ATXN10: variants seen among roughly 807,000 people sequenced by gnomAD.
ATXN10 encodes ataxin-10.
In ATXN10, 28 loss-of-function variants were observed where a neutral mutation model predicts 52.9. The observed-to-expected ratio is 0.53, with a 90% CI of 0.39 to 0.73. ATXN10 has a LOEUF of 0.73. Among genes scored for constraint, ATXN10 ranks in the 30% least tolerant of loss-of-function variants. ATXN10 has a pLI of 0.00. For synonymous variants in ATXN10, 226 were observed against 221.5 expected, an observed-to-expected ratio of 1.02 and a Z score of -0.18; for missense variants, 565 against 577.0, an observed-to-expected ratio of 0.98 and a Z score of 0.21.
At position 45,833,544 on chromosome 22, in the gene ATXN10, A is replaced by T. The variant is rs1929062205; in HGVS notation, c.1238-9447A>T. Among the ~76,000 whole-genome samples, 1 of 152,196 alleles carries T rather than the reference A, an allele frequency of 6.6e-6. No individual in the cohort carries two copies. The highest frequency in any genetic ancestry group is 2.4e-5 in the African/African-American group (1 of 41,446). On this transcript the variant is annotated intron_variant, in intron 10 of 11. Coordinates refer to ENST00000252934, the MANE Select transcript of ATXN10 (RefSeq NM_013236.4). The surrounding 1 kb of genome is among the most constrained non-coding windows in gnomAD (Gnocchi z 4.3). ...GAAATATCAACAGTGCTAGACGAAC[A>T]CTAATGTCTTATAACTTAGGTGGGT... is the stretch of plus-strand genomic sequence containing the variant.
Position 45,774,460 on chromosome 22 carries a change from G to C in ATXN10, c.1174-32499G>C, listed in dbSNP as rs1414042323. 1.3e-5 allele frequency among the ~76,000 whole-genome samples: 2 copies of C among 152,200 alleles called. No individual in the cohort carries two copies. The highest frequency in any genetic ancestry group is 4.8e-5 in the African/African-American group (2 of 41,446). ...AAATGAAGTCTGCCTTACAGGCAGAGGGGAACTACTACTTTGATGTAAGAG... is the reference window on the plus strand; with the variant it reads ...AAATGAAGTCTGCCTTACAGGCAGACGGGAACTACTACTTTGATGTAAGAG... On this transcript the variant is annotated intron_variant, in intron 9 of 11. Transcript: ENST00000252934. The surrounding 1 kb of genome is among the most constrained non-coding windows in gnomAD (Gnocchi z 6.2).
intron 3 of ATXN10, among the ~76,000 whole-genome samples, chr22:45,698,920 T>C (rs1923725463): frequency 6.6e-6 from 1 of 152,224 alleles, no homozygotes; most frequent in Non-Finnish European, 1.5e-5. Flanking sequence ...ACTCTTTCTC[T>C]GTGAGAACTT....
rs1208419684 is a variant in ATXN10, at chr22:45,683,150, C to T, written c.117-6562C>T. Among the ~76,000 whole-genome samples the T allele has an allele frequency of 6.6e-6, 1 of 152,130 alleles. No individual in the cohort carries two copies. Among genetic ancestry groups the T allele is most frequent in the Non-Finnish European group, 1.5e-5 (1 of 68,026 alleles). ...CCTGGCCAACATGGTGAAACCCCATCTCTACTAAAAATACAAAAATTTGTT... is the reference window on the plus strand; with the variant it reads ...CCTGGCCAACATGGTGAAACCCCATTTCTACTAAAAATACAAAAATTTGTT... On this transcript the variant is annotated intron_variant, in intron 1 of 11. Coordinates refer to ENST00000252934, the MANE Select transcript of ATXN10 (RefSeq NM_013236.4). This position sits in a 1 kb window ranked among gnomAD's most constrained non-coding sequence, Gnocchi z 4.8.
At chr22:45,741,350 C>T (rs550551440) in intron 9 of ATXN10, among the ~76,000 whole-genome samples, 25 of 152,236 alleles carry the variant, frequency 1.6e-4, no homozygotes, top group African/African-American at 4.8e-4. Context: ...TGATCCTATA[C>T]CATTTGTAGC....
rs753814404 is a variant in ATXN10 at position 45,843,654 on chromosome 22, TTTC to T, written c.1426-6_1426-4del. On this transcript the variant is annotated splice_polypyrimidine_tract_variant and intron_variant, in intron 11 of 11. Transcript: ENST00000252934. This position sits in a 1 kb window ranked among gnomAD's most constrained non-coding sequence, Gnocchi z 4.5. ...TTTGCTACATCTGCAATTTTGTTTC[TTTC>T]TTCTTCTTTAGTGAATGAACTACAT... 28 of 1,611,870 alleles carry T rather than the reference TTTC, an allele frequency of 1.7e-5. No individual in the cohort carries two copies. The highest frequency in any genetic ancestry group is 8.0e-5 in the African/African-American group (6 of 75,042).
intron 7 of ATXN10, among the ~76,000 whole-genome samples, chr22:45,735,613 G>A (rs143920157): frequency 6.6e-6 from 1 of 152,176 alleles, no homozygotes; most frequent in East Asian, 1.9e-4. Flanking sequence ...TGCAGTCCAG[G>A]CAGATATAAC....
chr22:45,807,881 T>C (rs1339519786), intron 10 of ATXN10, among the ~76,000 whole-genome samples: 1 of 152,078 alleles, frequency 6.6e-6, no homozygotes, highest in Non-Finnish European at 1.5e-5. Context: ...TAGCCTAGCA[T>C]TGAGGAGACT....
In ATXN10 at chr22:45,771,267, G is replaced by A. The variant is rs1440548097; in HGVS notation, c.1173+30729G>A. Among the ~76,000 whole-genome samples the A allele has an allele frequency of 3.9e-5, 6 of 152,084 alleles. No individual in the cohort carries two copies. In the South Asian group the frequency reaches 6.2e-4, roughly 16 times the overall value. On this transcript the variant is annotated intron_variant, in intron 9 of 11. Transcript: ENST00000252934. ...ATGGAATACAACTCTGCACATCCTC[G>A]TCAGCTCTTGGTATTGTCAGTATTT... is the stretch of plus-strand genomic sequence containing the variant.
intron 9 of ATXN10, among the ~76,000 whole-genome samples, chr22:45,742,301 T>C (rs1269815885): frequency 6.6e-6 from 1 of 152,078 alleles, no homozygotes; most frequent in Non-Finnish European, 1.5e-5. Flanking sequence ...TTCAGGAAAA[T>C]GTGACCTGTT....
At chr22:45,694,955 A>AC (rs1220913562) in intron 3 of ATXN10, among the ~76,000 whole-genome samples, 4 of 150,606 alleles carry the variant, frequency 2.7e-5, no homozygotes, top group African/African-American at 9.8e-5. Context: ...AAAAAAAAAA[A>AC]AAAAAAAAAA....
At position 45,763,935 on chromosome 22, in the gene ATXN10, A is replaced by G. The variant is rs2146832806; in HGVS notation, c.1173+23397A>G. Among the ~76,000 whole-genome samples the G allele has an allele frequency of 7.0e-6, 1 of 142,116 alleles. No homozygotes were observed. Among genetic ancestry groups the G allele is most frequent in the Admixed American group, 7.0e-5 (1 of 14,246 alleles). 93.2% of individuals were successfully genotyped at this position (142,116 alleles called of 152,430 possible). On this transcript the variant is annotated intron_variant, in intron 9 of 11. Transcript: ENST00000252934. This position sits in a 1 kb window ranked among gnomAD's most constrained non-coding sequence, Gnocchi z 6.9. ...CCAGTGTCTTCCAGGCCCCCTTCTT[A>G]TCTAAGGCTGCTACGTGTTATTGGA...
rs1459483479 is a variant in ATXN10 at position 45,732,753 on chromosome 22, T to C, written c.894+3163T>C. Among the ~76,000 whole-genome samples, 2 of 152,166 alleles carry C rather than the reference T, an allele frequency of 1.3e-5. No homozygotes were observed. The highest frequency in any genetic ancestry group is 2.9e-5 in the Non-Finnish European group (2 of 68,036). On this transcript the variant is annotated intron_variant, in intron 7 of 11. Transcript: ENST00000252934. The surrounding 1 kb of genome is among the most constrained non-coding windows in gnomAD (Gnocchi z 4.5). ...AAATCATCCATGGTGGAAGTAGTTG[T>C]GCCATGGAAACCAGCAAATGCTACA...
intron 7 of ATXN10, among the ~76,000 whole-genome samples, chr22:45,737,597 G>A (rs1357281338): frequency 2.0e-5 from 3 of 150,036 alleles, no homozygotes; most frequent in Non-Finnish European, 4.4e-5. Flanking sequence ...CTATATTAAT[G>A]TATTACCTTT....
intron 10 of ATXN10, among the ~76,000 whole-genome samples, chr22:45,810,889 C>T (rs922624133): frequency 2.6e-5 from 4 of 152,174 alleles, no homozygotes; most frequent in African/African-American, 9.7e-5. Context: ...TTGATATCCT[C>T]TGTCTTATGA....
chr22:45,748,337 A>G, intron 9 of ATXN10, among the ~76,000 whole-genome samples: 1 of 152,214 alleles, frequency 6.6e-6, no homozygotes, highest in East Asian at 1.9e-4. Flanking sequence ...AAATTTGTAG[A>G]CAACATTTCA....
intron 9 of ATXN10, among the ~76,000 whole-genome samples, chr22:45,741,827 CG>C (rs1203514274): frequency 6.6e-6 from 1 of 152,138 alleles, no homozygotes; most frequent in Non-Finnish European, 1.5e-5. Context: ...TTGACACAAA[CG>C]GGCAGATTCT....
chr22:45,818,230 TAC>T lies in ATXN10; in HGVS notation c.1237+11210_1237+11211del, dbSNP rs1367621601. Among the ~76,000 whole-genome samples, 1 of 152,222 alleles carries T rather than the reference TAC, an allele frequency of 6.6e-6. No individual in the cohort carries two copies. Among genetic ancestry groups the T allele is most frequent in the Non-Finnish European group, 1.5e-5 (1 of 68,032 alleles). Reference sequence around the variant, plus strand: ...AGCTGTGTCAGCACACTGGGAGTTTTACAGTGTACGGATTGGCAGACAGCCTG... The same window carrying T: ...AGCTGTGTCAGCACACTGGGAGTTTTAGTGTACGGATTGGCAGACAGCCTG... On this transcript the variant is annotated intron_variant, in intron 10 of 11. Transcript: ENST00000252934. The surrounding 1 kb of genome is among the most constrained non-coding windows in gnomAD (Gnocchi z 4.6).
At chr22:45,745,655 T>C (rs533453201) in intron 9 of ATXN10, among the ~76,000 whole-genome samples, 2 of 152,366 alleles carry the variant, frequency 1.3e-5, no homozygotes, top group East Asian at 3.9e-4. Context: ...AAAATAATCT[T>C]TGTAATACAT....
Position 45,726,454 on chromosome 22 carries a change from ATT to A in ATXN10, c.729-2970_729-2969del, listed in dbSNP as rs571785413. Reference sequence around the variant, plus strand: ...TTTTCTTGTTTGTTTGCACAAAGGTATTCATAGTGTCCTTAAATGGTCTTTTG... The same window carrying A: ...TTTTCTTGTTTGTTTGCACAAAGGTACATAGTGTCCTTAAATGGTCTTTTG... On this transcript the variant is annotated intron_variant, in intron 6 of 11. Coordinates refer to ENST00000252934, the MANE Select transcript of ATXN10 (RefSeq NM_013236.4). Among the ~76,000 whole-genome samples the A allele has an allele frequency of 2.1e-3, 314 of 152,220 alleles. 2 individuals carry two copies. The highest frequency in any genetic ancestry group is 7.2e-3 in the African/African-American group (298 of 41,544).
Sources: gnomAD v4.1 joint callset for allele counts (sites outside exome capture counted in the v4.1 genomes callset) on GRCh38, gnomAD v4.1.1 for gene constraint, Gnocchi (gnomAD v3.1) non-coding constraint, MANE v1.5 for transcripts, NCBI Gene and HGNC (gene_info 2026-07-23, HGNC 2026-07-21) for gene names.